Variants in UNC5C observed in about 807,000 individuals in gnomAD.
The protein encoded by UNC5C is unc-5 netrin receptor C, also known as netrin receptor UNC5C.
A neutral mutation model predicts 99.8 loss-of-function variants in UNC5C; 47 were observed. The observed-to-expected ratio is 0.47, with a 90% CI of 0.37 to 0.60. The LOEUF (loss-of-function observed/expected upper bound fraction) is 0.60. Ranked by LOEUF, UNC5C falls within the 20% of genes least tolerant of loss-of-function variation. The pLI, the probability that UNC5C is intolerant of heterozygous loss-of-function variation, is 0.00. For missense variants in UNC5C, 1,062 were observed against 1,165.9 expected (o/e 0.91, Z 1.30); for synonymous variants, 487 against 452.2 (o/e 1.08, Z -0.98).
chr4:95,316,760 C>T (rs1742491241), intron 2 of UNC5C, among the ~76,000 whole-genome samples: 2 of 151,830 alleles, frequency 1.3e-5, no homozygotes, highest in Admixed American at 6.6e-5. Flanking sequence ...GATTTTTGTC[C>T]CCTGTACATA....
chr4:95,510,843 G>T (rs771904838), intron 1 of UNC5C, among the ~76,000 whole-genome samples: 1 of 152,030 alleles, frequency 6.6e-6, no homozygotes. Context: ...AATTTGCCTC[G>T]GCATTTTCCT....
intron 3 of UNC5C, among the ~76,000 whole-genome samples, chr4:95,299,056 T>G (rs4699847): frequency 6.6e-6 from 1 of 152,016 alleles, no homozygotes; most frequent in Non-Finnish European, 1.5e-5. Context: ...CTACATCCCA[T>G]TCCCCCAAAT....
At chr4:95,171,966 G>A (rs1049347552) in intron 14 of UNC5C, among the ~76,000 whole-genome samples, 1 of 150,794 alleles carries the variant, frequency 6.6e-6, no homozygotes, top group Non-Finnish European at 1.5e-5. Flanking sequence ...TTGTGGTTTT[G>A]ATTTGCATTT....
chr4:95,219,557 G>A (rs1201272172), intron 8 of UNC5C, among the ~76,000 whole-genome samples: 1 of 152,122 alleles, frequency 6.6e-6, no homozygotes, highest in Non-Finnish European at 1.5e-5. Flanking sequence ...TATGCCCAAG[G>A]TATTTGGCTA....
In UNC5C at chr4:95,204,931, G is replaced by C. The variant is rs1293758372; in HGVS notation, c.1902+1697C>G. On this transcript the variant is annotated intron_variant, in intron 11 of 15. Coordinates refer to ENST00000453304, the MANE Select transcript of UNC5C (RefSeq NM_003728.4). Reference sequence around the variant, plus strand: ...CATCAGTGAAATAATTTCTTCTACTGAACCTATGCCCCCAGAGGAAGCCCC... The same window carrying C: ...CATCAGTGAAATAATTTCTTCTACTCAACCTATGCCCCCAGAGGAAGCCCC... Among the ~76,000 whole-genome samples the C allele has an allele frequency of 3.3e-5, 5 of 152,132 alleles. No individual in the cohort carries two copies. The South Asian group carries it at 6.2e-4, about 19-fold the overall frequency.
intron 1 of UNC5C, among the ~76,000 whole-genome samples, chr4:95,346,970 TCAAA>T (rs1242318566): frequency 5.3e-5 from 8 of 151,858 alleles, no homozygotes; most frequent in African/African-American, 1.7e-4. Context: ...AAGAAAGAAG[TCAAA>T]TTATCCTTGT....
At chr4:95,395,554 T>C (rs569388470) in intron 1 of UNC5C, among the ~76,000 whole-genome samples, 1 of 152,132 alleles carries the variant, frequency 6.6e-6, no homozygotes, top group Admixed American at 6.5e-5. Context: ...CTCTGTCATA[T>C]CAAAGTTAAA....
intron 4 of UNC5C, among the ~76,000 whole-genome samples, chr4:95,272,326 C>T (rs1396885422): frequency 1.3e-5 from 2 of 152,176 alleles, no homozygotes; most frequent in East Asian, 3.8e-4. Context: ...GCATTTTATA[C>T]TATAGGCTTA....
intron 1 of UNC5C, among the ~76,000 whole-genome samples, chr4:95,483,989 G>A (rs1721251778): frequency 6.6e-6 from 1 of 151,734 alleles, no homozygotes; most frequent in Admixed American, 6.6e-5. Context: ...GGTTTAAATG[G>A]TGAATTTAAG....
chr4:95,340,386 G>T (rs958781340), intron 1 of UNC5C, among the ~76,000 whole-genome samples: 5 of 152,046 alleles, frequency 3.3e-5, no homozygotes, highest in African/African-American at 1.2e-4. Flanking sequence ...ATGAATGACT[G>T]CAAAGCTAAT....
intron 1 of UNC5C, among the ~76,000 whole-genome samples, chr4:95,526,393 A>G (rs557573091): frequency 6.6e-6 from 1 of 152,260 alleles, no homozygotes; most frequent in Admixed American, 6.5e-5. Context: ...ACAGACATGT[A>G]GGTTTAATAA....
intron 1 of UNC5C, among the ~76,000 whole-genome samples, chr4:95,510,915 T>C (rs760391876): frequency 6.6e-6 from 1 of 152,014 alleles, no homozygotes; most frequent in African/African-American, 2.4e-5. Flanking sequence ...AAAAAAGTGG[T>C]TGAGTTGTTG....
chr4:95,258,914 A>G (rs970056865), intron 4 of UNC5C, among the ~76,000 whole-genome samples: 1 of 149,874 alleles, frequency 6.7e-6, no homozygotes, highest in Non-Finnish European at 1.5e-5. Context: ...GGCGCCCGCC[A>G]CTGCGCCCGG....
intron 12 of UNC5C, among the ~76,000 whole-genome samples, chr4:95,185,400 A>T (rs1428599965): frequency 6.6e-6 from 1 of 152,158 alleles, no homozygotes; most frequent in African/African-American, 2.4e-5. Flanking sequence ...AGACCCTAAT[A>T]ACAAACTATG....
intron 3 of UNC5C, among the ~76,000 whole-genome samples, chr4:95,294,064 G>C (rs946557887): frequency 6.6e-6 from 1 of 152,118 alleles, no homozygotes; most frequent in African/African-American, 2.4e-5. Flanking sequence ...AGAAAGAAAA[G>C]TATTTCATAA....
intron 1 of UNC5C, among the ~76,000 whole-genome samples, chr4:95,483,868 T>C (rs1394002433): frequency 6.6e-6 from 1 of 151,824 alleles, no homozygotes; most frequent in Non-Finnish European, 1.5e-5. Context: ...AGGAATACGA[T>C]AGGACAAACA....
At chr4:95,250,412 C>A in intron 5 of UNC5C, 75 bp downstream of exon 5, 1 of 1,469,530 alleles carries the variant, frequency 6.8e-7, no homozygotes. Context: ...AAAAAAAGGG[C>A]TTCTAGCTTT....
chr4:95,391,741 C>A (rs910845599), intron 1 of UNC5C, among the ~76,000 whole-genome samples: 1 of 140,074 alleles, frequency 7.1e-6, no homozygotes, highest in East Asian at 2.0e-4. Context: ...ATAAAGTGAG[C>A]TTTGTCCTTT....
chr4:95,532,354 G>C (rs1722669730), intron 1 of UNC5C, among the ~76,000 whole-genome samples: 1 of 151,786 alleles, frequency 6.6e-6, no homozygotes, highest in Non-Finnish European at 1.5e-5. Flanking sequence ...AGAGAACCTG[G>C]GAAGTTTCAA....
Sources: allele counts gnomAD v4.1 joint callset (sites outside exome capture counted in the v4.1 genomes callset), GRCh38; gene constraint gnomAD v4.1.1; transcripts MANE v1.5; gene names NCBI Gene and HGNC (gene_info 2026-07-23, HGNC 2026-07-21).